The following XYLT1 variants were observed in gnomAD, a reference collection of about 807,000 sequenced individuals.
The protein encoded by XYLT1 is beta-D-xylosyltransferase 1.
In XYLT1, 36 loss-of-function variants were observed where a neutral mutation model predicts 91.3. The ratio of observed to expected loss-of-function variants is 0.39; its 90% CI spans 0.30 to 0.52. XYLT1 has a LOEUF of 0.52. XYLT1 is among the 20% of genes least tolerant of loss of function. XYLT1 has a pLI of 0.68. For missense variants in XYLT1, 1,242 were observed against 1,284.5 expected (o/e 0.97, Z 0.51); for synonymous variants, 588 against 532.0 (o/e 1.11, Z -1.45).
At chr16:17,376,297 C>A (rs553113519) in intron 1 of XYLT1, among the ~76,000 whole-genome samples, 1 of 152,188 alleles carries the variant, frequency 6.6e-6, no homozygotes, top group African/African-American at 2.4e-5. Context: ...TCAGCTGATC[C>A]TTTATCCAGC....
chr16:17,323,190 TG>T (rs2034750306), intron 2 of XYLT1, among the ~76,000 whole-genome samples: 1 of 152,224 alleles, frequency 6.6e-6, no homozygotes. Context: ...GAGTTCTAAT[TG>T]ATTTTCTATG....
At chr16:17,186,659 T>C (rs1021780568) in intron 5 of XYLT1, among the ~76,000 whole-genome samples, 2 of 151,964 alleles carry the variant, frequency 1.3e-5, no homozygotes, top group Non-Finnish European at 2.9e-5. Context: ...GAGAAGCACA[T>C]AGTGAGATGT....
At chr16:17,250,308 T>C (rs1415811056) in intron 3 of XYLT1, 1 of 152,216 alleles carries the variant, frequency 6.6e-6, no homozygotes, top group African/African-American at 2.4e-5. Flanking sequence ...TAAGAATGGG[T>C]TGACATCTTA....
At position 17,127,617 on chromosome 16, in the gene XYLT1, C is replaced by T. The variant is rs559571145; in HGVS notation, c.2223+49G>A. The T allele has an allele frequency of 9.5e-5, 150 of 1,574,392 alleles. 2 individuals are homozygous for T. Among genetic ancestry groups the T allele is most frequent in the South Asian group, 8.6e-4 (72 of 83,690 alleles). Reference sequence around the variant, plus strand: ...GTCAGATAGTGGAGTAGAATCTGGCCGAGGGAAATGCAAAATACAATGAAA... The same window carrying T: ...GTCAGATAGTGGAGTAGAATCTGGCTGAGGGAAATGCAAAATACAATGAAA... On this transcript the variant is annotated intron_variant, in intron 10 of 11. Transcript: ENST00000261381.
At chr16:17,415,649 A>G (rs2036171171) in intron 1 of XYLT1, among the ~76,000 whole-genome samples, 2 of 152,042 alleles carry the variant, frequency 1.3e-5, no homozygotes, top group African/African-American at 4.8e-5. Context: ...CTGAGATAGC[A>G]CCATTGCACT....
intron 10 of XYLT1, among the ~76,000 whole-genome samples, chr16:17,122,987 T>C (rs1436219499): frequency 6.6e-6 from 1 of 152,216 alleles, no homozygotes; most frequent in Non-Finnish European, 1.5e-5. Flanking sequence ...GGCCTTATAG[T>C]ATGCTTTAAG....
At chr16:17,250,274 T>C (rs753883887) in intron 3 of XYLT1, 3 of 152,226 alleles carry the variant, frequency 2.0e-5, no homozygotes, top group Non-Finnish European at 4.4e-5. Flanking sequence ...CCTGTAACTA[T>C]CTATTTTGGC....
At chr16:17,155,424 G>T (rs1361130492) in intron 6 of XYLT1, among the ~76,000 whole-genome samples, 1 of 152,168 alleles carries the variant, frequency 6.6e-6, no homozygotes, top group African/African-American at 2.4e-5. Flanking sequence ...TTAGTTACCT[G>T]ATCTGGTAAT....
intron 2 of XYLT1, among the ~76,000 whole-genome samples, chr16:17,290,869 G>T (rs549605837): frequency 2.6e-5 from 4 of 152,232 alleles, no homozygotes; most frequent in African/African-American, 7.2e-5. Flanking sequence ...ATGTCCTGGG[G>T]TGGATCAACA....
intron 5 of XYLT1, among the ~76,000 whole-genome samples, chr16:17,197,014 A>ATATATATATATATATATATATATAT (rs1597184723): frequency 2.7e-5 from 3 of 110,500 alleles, no homozygotes; most frequent in Admixed American, 1.9e-4. Context: ...CTGTCTCCAA[A>ATATATATATATATATATATATATAT]ATATATATAT....
chr16:17,175,548 T>A (rs2141561953), intron 5 of XYLT1, among the ~76,000 whole-genome samples: 1 of 152,266 alleles, frequency 6.6e-6, no homozygotes, highest in Admixed American at 6.5e-5. Flanking sequence ...AGAGTCCATA[T>A]GCATCACCAC....
chr16:17,281,799 G>T (rs1335502682), intron 2 of XYLT1, among the ~76,000 whole-genome samples: 1 of 152,176 alleles, frequency 6.6e-6, no homozygotes. Context: ...AAATCATCTT[G>T]GGTGCCACCG....
At chr16:17,367,981 C>T (rs2035476570) in intron 1 of XYLT1, among the ~76,000 whole-genome samples, 1 of 152,206 alleles carries the variant, frequency 6.6e-6, no homozygotes, top group Non-Finnish European at 1.5e-5. Flanking sequence ...ATGCACATCC[C>T]TCCCTGCTTT....
In XYLT1 at chr16:17,452,135, T is replaced by TTCA. The variant is rs527545175; in HGVS notation, c.363+18296_363+18298dup. On this transcript the variant is annotated intron_variant, in intron 1 of 11. Transcript: ENST00000261381. ...TGAGAATTAAGGAACCTACAGCCTA[T>TTCA]TCATAGATTCTAACCCTAAGAGGAA... Among the ~76,000 whole-genome samples, 563 of 152,248 alleles carry TTCA rather than the reference T, an allele frequency of 3.7e-3. 2 individuals carry two copies. Among genetic ancestry groups the TTCA allele is most frequent in the Non-Finnish European group, 6.0e-3 (408 of 68,002 alleles).
chr16:17,407,374 A>G (rs775614061), intron 1 of XYLT1, among the ~76,000 whole-genome samples: 1 of 152,230 alleles, frequency 6.6e-6, no homozygotes, highest in African/African-American at 2.4e-5. Context: ...TTTTTAAGGA[A>G]TAAGAGATAT....
chr16:17,150,689 G>C (rs1212568658), intron 6 of XYLT1, among the ~76,000 whole-genome samples: 1 of 152,174 alleles, frequency 6.6e-6, no homozygotes, highest in East Asian at 1.9e-4. Flanking sequence ...GTCAGGCTCT[G>C]CATTCCACAC....
At chr16:17,138,769 T>C in intron 7 of XYLT1, 2 of 471,090 alleles carry the variant, frequency 4.2e-6, no homozygotes. Flanking sequence ...AATGCAAAAA[T>C]GTATAACACA....
chr16:17,232,718 C>T (rs1169478373), intron 3 of XYLT1, among the ~76,000 whole-genome samples: 2 of 150,704 alleles, frequency 1.3e-5, no homozygotes, highest in Admixed American at 6.6e-5. Context: ...CTGATGGGGG[C>T]GGCAGTGGTA....
intron 1 of XYLT1, among the ~76,000 whole-genome samples, chr16:17,361,358 T>C (rs1182615742): frequency 6.6e-6 from 1 of 152,196 alleles, no homozygotes; most frequent in Non-Finnish European, 1.5e-5. Context: ...AGAAAATATA[T>C]GCTTGTTGTT....
Sources: gnomAD v4.1 joint callset for allele counts (sites outside exome capture counted in the v4.1 genomes callset) on GRCh38, gnomAD v4.1.1 for gene constraint, MANE v1.5 for transcripts, NCBI Gene and HGNC (gene_info 2026-07-23, HGNC 2026-07-21) for gene names.